The following ZBTB20 variants were observed in gnomAD, a reference collection of about 807,000 sequenced individuals.
ZBTB20 encodes the protein zinc finger and BTB domain containing 20.
ZBTB20 carries 9 observed loss-of-function variants against 56.9 expected under a neutral mutation model. The observed-to-expected ratio is 0.16, with a 90% CI of 0.10 to 0.28. The LOEUF (loss-of-function observed/expected upper bound fraction) is 0.28, where lower values mean the gene tolerates loss of function less well. ZBTB20 is among the 10% of genes least tolerant of loss of function. The pLI, the probability that ZBTB20 is intolerant of heterozygous loss-of-function variation, is 1.00. For synonymous variants in ZBTB20, 417 were observed against 420.7 expected, an observed-to-expected ratio of 0.99 and a Z score of 0.11; for missense variants, 655 against 1,003.0, an observed-to-expected ratio of 0.65 and a Z score of 4.69.
At chr3:114,833,074 T>A (rs941647018) in intron 4 of ZBTB20, among the ~76,000 whole-genome samples, 1 of 152,076 alleles carries the variant, frequency 6.6e-6, no homozygotes. Flanking sequence ...CCTAGAAAAA[T>A]CAAAGAAATT....
rs928019336 is a variant in ZBTB20 at position 114,924,788 on chromosome 3, G to A, written c.-455-24446C>T. On this transcript the variant is annotated intron_variant, in intron 3 of 11. Transcript: ENST00000675478. ...AAAAAATAAATAAAATTGTACTTCC[G>A]GTTTTTGAGATACTGCTTATTTTTT... 4.0e-5 allele frequency among the ~76,000 whole-genome samples: 6 copies of A among 151,774 alleles called. No individual in the cohort carries two copies. In the East Asian group the frequency reaches 5.8e-4, roughly 15 times the overall value.
intron 10 of ZBTB20, among the ~76,000 whole-genome samples, chr3:114,372,381 C>A (rs547215681): frequency 1.3e-5 from 2 of 152,270 alleles, no homozygotes; most frequent in South Asian, 4.1e-4. Context: ...GTAACTTGAG[C>A]CAATGGGCAT....
At chr3:114,362,089 C>T (rs558722331) in intron 10 of ZBTB20, among the ~76,000 whole-genome samples, 7 of 152,066 alleles carry the variant, frequency 4.6e-5, no homozygotes, top group South Asian at 2.1e-4. Context: ...GTATTTCTTG[C>T]GAATTTGGTG....
At chr3:114,670,812 C>A (rs566956825) in intron 6 of ZBTB20, among the ~76,000 whole-genome samples, 2 of 152,114 alleles carry the variant, frequency 1.3e-5, no homozygotes, top group Admixed American at 6.6e-5. Context: ...TGCTGTGGGG[C>A]ACCCATGTGT....
intron 4 of ZBTB20, among the ~76,000 whole-genome samples, chr3:114,832,655 A>C (rs2073915862): frequency 6.6e-6 from 1 of 152,136 alleles, no homozygotes; most frequent in East Asian, 1.9e-4. Context: ...TATTTCTAAA[A>C]TTCTCTAGGC....
intron 7 of ZBTB20, among the ~76,000 whole-genome samples, chr3:114,445,326 C>T (rs1396365655): frequency 1.3e-5 from 2 of 152,142 alleles, no homozygotes; most frequent in Non-Finnish European, 2.9e-5. Flanking sequence ...TAATTTTGCA[C>T]CCAGCTATAG....
At chr3:114,831,087 C>CTTTTTT (rs57265260) in intron 4 of ZBTB20, among the ~76,000 whole-genome samples, 103 of 55,550 alleles carry the variant, frequency 1.9e-3, no homozygotes, top group Admixed American at 3.0e-3. Flanking sequence ...TTTCTTTCTT[C>CTTTTTT]TTTTTTTTTT....
At chr3:114,612,079 C>A (rs1436405715) in intron 6 of ZBTB20, among the ~76,000 whole-genome samples, 4 of 152,128 alleles carry the variant, frequency 2.6e-5, no homozygotes, top group Non-Finnish European at 5.9e-5. Context: ...TTCATCCTCC[C>A]TACTTCTCTG....
intron 6 of ZBTB20, among the ~76,000 whole-genome samples, chr3:114,550,178 T>A (rs1006880368): frequency 6.6e-6 from 1 of 152,182 alleles, no homozygotes; most frequent in African/African-American, 2.4e-5. Context: ...GATCTTGCGA[T>A]CCGCCTGCCT....
intron 2 of ZBTB20, among the ~76,000 whole-genome samples, chr3:114,981,579 C>A (rs2078329984): frequency 1.3e-5 from 2 of 152,128 alleles, no homozygotes; most frequent in South Asian, 4.1e-4. Flanking sequence ...ATAGCAAATA[C>A]ATGAGCAGTC....
intron 6 of ZBTB20, among the ~76,000 whole-genome samples, chr3:114,551,192 T>C (rs1469378475): frequency 2.6e-5 from 4 of 152,248 alleles, no homozygotes; most frequent in Admixed American, 6.5e-5. Context: ...AATATAGTGA[T>C]GCATTTATCA....
At chr3:115,082,785 G>C (rs1227435347) in intron 1 of ZBTB20, among the ~76,000 whole-genome samples, 1 of 151,964 alleles carries the variant, frequency 6.6e-6, no homozygotes. Flanking sequence ...AAACACAGGA[G>C]AAATATACAG....
intron 2 of ZBTB20, among the ~76,000 whole-genome samples, chr3:114,989,656 G>C (rs2078711560): frequency 6.6e-6 from 1 of 152,150 alleles, no homozygotes; most frequent in Non-Finnish European, 1.5e-5. Flanking sequence ...TTGGTAACTT[G>C]AGGGGGATGG....
chr3:114,606,467 C>G (rs1330078617), intron 6 of ZBTB20, among the ~76,000 whole-genome samples: 1 of 152,022 alleles, frequency 6.6e-6, no homozygotes, highest in Non-Finnish European at 1.5e-5. Context: ...TCTGGCATAG[C>G]TGAGTTCAGT....
In ZBTB20 at chr3:114,335,339, G is replaced by A. The variant is rs2108063403; in HGVS notation, c.*3666C>T. Reference sequence around the variant, plus strand: ...ATCACCCTACCATGAAGGTCTAAATGTAAGATGACTGTAGGACTTGAAACA... The same window carrying A: ...ATCACCCTACCATGAAGGTCTAAATATAAGATGACTGTAGGACTTGAAACA... On this transcript the variant is annotated 3_prime_UTR_variant, in exon 12 of 12. Transcript: ENST00000675478. 6.6e-6 allele frequency: 1 copy of A among 152,140 alleles called. No individual in the cohort carries two copies. The highest frequency in any genetic ancestry group is 1.5e-5 in the Non-Finnish European group (1 of 67,996). 9.4% of individuals were successfully genotyped at this position (152,140 alleles called of 1,614,324 possible).
chr3:114,894,361 G>A (rs2074777120), intron 4 of ZBTB20, among the ~76,000 whole-genome samples: 1 of 151,914 alleles, frequency 6.6e-6, no homozygotes, highest in South Asian at 2.1e-4. Flanking sequence ...ACATAAATGT[G>A]CATATGTATA....
At chr3:114,430,109 G>T (rs1412309970) in intron 7 of ZBTB20, among the ~76,000 whole-genome samples, 1 of 152,182 alleles carries the variant, frequency 6.6e-6, no homozygotes, top group Admixed American at 6.5e-5. Context: ...AATACAATTA[G>T]TTTAAGTAAT....
intron 4 of ZBTB20, among the ~76,000 whole-genome samples, chr3:114,840,572 T>C (rs140399887): frequency 2.8e-3 from 422 of 152,308 alleles, no homozygotes; most frequent in Non-Finnish European, 4.4e-3. Flanking sequence ...TAGTAGAAAA[T>C]GTTTGCGTCT....
chr3:114,833,546 T>C (rs1482313291), intron 4 of ZBTB20, among the ~76,000 whole-genome samples: 1 of 152,098 alleles, frequency 6.6e-6, no homozygotes, highest in Non-Finnish European at 1.5e-5. Context: ...TTTATTTTTT[T>C]TTAGATATGG....
Sources: allele counts gnomAD v4.1 joint callset (sites outside exome capture counted in the v4.1 genomes callset), GRCh38; gene constraint gnomAD v4.1.1; transcripts MANE v1.5; gene names NCBI Gene and HGNC (gene_info 2026-07-23, HGNC 2026-07-21).